The following CFAP47 variants were observed in gnomAD, a reference collection of about 807,000 sequenced individuals.
The protein encoded by CFAP47 is cilia- and flagella-associated protein 47.
CFAP47 carries 29 observed loss-of-function variants against 148.1 expected under a neutral mutation model. The observed-to-expected ratio is 0.20, with a 90% CI of 0.15 to 0.27. The LOEUF (loss-of-function observed/expected upper bound fraction) is 0.27. CFAP47 is among the 10% of genes least tolerant of loss of function. The probability of loss-of-function intolerance (pLI) is 1.00; values close to 1 mark genes in which losing one functional copy is unlikely to be tolerated. For missense variants in CFAP47, 1,872 were observed against 1,697.5 expected, an observed-to-expected ratio of 1.10 and a Z score of -1.81; for synonymous variants, 664 against 577.3, an observed-to-expected ratio of 1.15 and a Z score of -2.15.
chrX:36,098,396 T>A (rs5972014), intron 30 of CFAP47, among the ~76,000 whole-genome samples: 6,171 of 111,478 alleles, frequency 0.055, 472 homozygotes, highest in African/African-American at 0.19. Context: ...ATTGAAGAGT[T>A]ACAATTAGCT....
chrX:36,310,099 C>A (rs1941381147), intron 55 of CFAP47, among the ~76,000 whole-genome samples: 1 of 101,851 alleles, frequency 9.8e-6, no homozygotes, highest in South Asian at 4.8e-4. Context: ...TGTTTGTGAT[C>A]CCTTTATTCA....
rs1408453162 is a variant in CFAP47, at chrX:35,932,651, G to T, written c.401+6483G>T. The stretch of plus-strand genomic sequence containing the variant: ...ATATTTAATTTTTTTTTTTTGAGAC[G>T]CAGTCTCACTCTGTCGTCAGGCTGG... On this transcript the variant is annotated intron_variant, in intron 2 of 63. Transcript: ENST00000378653. Among the ~76,000 whole-genome samples, 5 of 105,108 alleles carry T rather than the reference G, an allele frequency of 4.8e-5. No individual in the cohort carries two copies. The Admixed American group carries it at 5.1e-4, about 11-fold the overall frequency. 91.3% of individuals were successfully genotyped at this position (105,108 alleles called of 115,157 possible).
chrX:36,157,727 G>A (rs1325554596), intron 37 of CFAP47, among the ~76,000 whole-genome samples: 2 of 110,508 alleles, frequency 1.8e-5, no homozygotes, highest in Admixed American at 1.9e-4. Context: ...CTAAAAGAGT[G>A]CCTGGAACAC....
intron 45 of CFAP47, among the ~76,000 whole-genome samples, chrX:36,221,250 AGCAACTTTATAAGGAAGGGTTT>A (rs1378317183): frequency 1.8e-5 from 2 of 111,955 alleles, no homozygotes; most frequent in Non-Finnish European, 3.8e-5. Context: ...ATTACTAGAT[AGCAACTTTATAAGGAAGGGTTT>A]GCCATTATAG....
intron 46 of CFAP47, among the ~76,000 whole-genome samples, chrX:36,230,454 G>A (rs1258805986): frequency 9.3e-6 from 1 of 107,112 alleles, no homozygotes; most frequent in African/African-American, 3.6e-5. Flanking sequence ...TTTTGATGGG[G>A]TTGTTTGTTT....
At chrX:36,056,591 T>C (rs1201756721) in intron 26 of CFAP47, among the ~76,000 whole-genome samples, 32 of 112,256 alleles carry the variant, frequency 2.9e-4, no homozygotes, top group Non-Finnish European at 2.4e-4. Flanking sequence ...TCACAACTGT[T>C]AGATTTTTTT....
chrX:35,940,915 T>C (rs751561578), intron 2 of CFAP47, among the ~76,000 whole-genome samples: 1 of 111,694 alleles, frequency 9.0e-6, no homozygotes, highest in South Asian at 3.7e-4. Context: ...TAAATTGTAC[T>C]TACATTTTGT....
rs1162960732 is a variant in CFAP47 at position 36,350,054 on chromosome X, A to C, written c.8620A>C (p.Ser2874Arg). 1 of 1,153,650 alleles carries C rather than the reference A, an allele frequency of 8.7e-7. No homozygotes were observed. Among genetic ancestry groups the C allele is most frequent in the Non-Finnish European group, 1.2e-6 (1 of 861,437 alleles). Residue 2874 changes from serine to arginine, a missense_variant, in exon 59 of 64, where the codon AGC becomes CGC. Physicochemically the swap from Ser to Arg is moderately radical, Grantham distance 110 (BLOSUM62 -1). Transcript: ENST00000378653. ...TCTAATTAGTATTGTGGGAATCGACAGCGAAGAAATCCAAGCAATACACTG... is the reference window on the plus strand; with the variant it reads ...TCTAATTAGTATTGTGGGAATCGACCGCGAAGAAATCCAAGCAATACACTG... ...IKFKSIVGID[S>R]EEIQAIHWIY...
intron 49 of CFAP47, among the ~76,000 whole-genome samples, chrX:36,274,124 C>T (rs1556002254): frequency 1.8e-5 from 2 of 111,500 alleles, no homozygotes; most frequent in African/African-American, 6.5e-5. Context: ...TCATATAGGG[C>T]TTTTAAATTA....
intron 57 of CFAP47, among the ~76,000 whole-genome samples, chrX:36,330,966 A>AAT (rs1232114018): frequency 1.8e-5 from 2 of 111,442 alleles, no homozygotes; most frequent in African/African-American, 6.5e-5. Context: ...TTACAATATC[A>AAT]ATATATATAA....
chrX:35,920,630 T>A lies in CFAP47; in HGVS notation c.249+582T>A, dbSNP rs1370630676. 2.7e-5 allele frequency among the ~76,000 whole-genome samples: 3 copies of A among 111,580 alleles called. No individual in the cohort carries two copies. The Admixed American group carries it at 2.9e-4, about 11-fold the overall frequency. ...AAAGTTAATGTTCTGAGAGGGTGTT[T>A]CTATCTTCTAATTTAAAGTGGGCAG... On this transcript the variant is annotated intron_variant, in intron 1 of 63. Coordinates refer to ENST00000378653, the MANE Select transcript of CFAP47 (RefSeq NM_001304548.2).
intron 21 of CFAP47, among the ~76,000 whole-genome samples, chrX:36,008,319 T>G (rs1001690061): frequency 9.0e-6 from 1 of 111,576 alleles, no homozygotes; most frequent in African/African-American, 3.3e-5. Flanking sequence ...GCTTCCTTTT[T>G]CTTCATGATT....
intron 51 of CFAP47, among the ~76,000 whole-genome samples, chrX:36,289,093 C>T (rs913396550): frequency 1.3e-4 from 14 of 104,908 alleles, no homozygotes; most frequent in Non-Finnish European, 2.5e-4. Flanking sequence ...ATCCGCCTCC[C>T]GGGTTCAAGC....
At chrX:36,372,769 A>G (rs1393780614) in intron 62 of CFAP47, among the ~76,000 whole-genome samples, 1 of 112,148 alleles carries the variant, frequency 8.9e-6, no homozygotes, top group African/African-American at 3.2e-5. Context: ...GTCAAATTTT[A>G]TTTATTTCAG....
At chrX:35,923,828 A>AGT (rs1181684811) in intron 1 of CFAP47, among the ~76,000 whole-genome samples, 7 of 91,461 alleles carry the variant, frequency 7.7e-5, no homozygotes, top group African/African-American at 3.3e-4. Context: ...GAAAAAAAAA[A>AGT]GTGTATATAT....
Position 35,924,243 on chromosome X carries a change from G to GTGTACATGTA in CFAP47, c.250-1771_250-1770insACATGTATGT, listed in dbSNP as rs1350015844. ...TGTATGTGTATATATGGACATGTAT[G>GTGTACATGTA]TGTGCATATGGACATGTATGTGTAC... On this transcript the variant is annotated intron_variant, in intron 1 of 63. Transcript: ENST00000378653. 8.8e-5 allele frequency among the ~76,000 whole-genome samples: 8 copies of GTGTACATGTA among 90,670 alleles called. No homozygotes were observed. The Admixed American group carries it at 9.4e-4, about 11-fold the overall frequency. The allele number at this position is 90,670 out of a possible 115,157, so 78.7% of individuals were successfully genotyped here.
rs72628196 is a variant in CFAP47, at chrX:36,149,465, C to T, written c.5786+242C>T. Among the ~76,000 whole-genome samples, 144 of 109,844 alleles carry T rather than the reference C, an allele frequency of 1.3e-3. 3 individuals carry two copies. In the East Asian group the frequency reaches 0.036, roughly 27 times the overall value. On this transcript the variant is annotated intron_variant, in intron 37 of 63. Transcript: ENST00000378653. ...AATTTTAATTTGTTTTTTATGCATA[C>T]GGGTCATAGAAACAAGACTATAAGT...
At chrX:36,338,158 A>AT (rs1177815066) in intron 57 of CFAP47, among the ~76,000 whole-genome samples, 3 of 102,866 alleles carry the variant, frequency 2.9e-5, no homozygotes, top group Non-Finnish European at 3.9e-5. Context: ...AAGTGCTGGG[A>AT]TTACAGGCGT....
At chrX:36,176,239 A>G (rs889577132) in intron 39 of CFAP47, among the ~76,000 whole-genome samples, 14 of 111,398 alleles carry the variant, frequency 1.3e-4, no homozygotes, top group Admixed American at 3.8e-4. Flanking sequence ...CCTCAGATGG[A>G]AATGCAGAAA....
Sources: allele counts gnomAD v4.1 joint callset (sites outside exome capture counted in the v4.1 genomes callset), GRCh38; gene constraint gnomAD v4.1.1; transcripts MANE v1.5; gene names NCBI Gene and HGNC (gene_info 2026-07-23, HGNC 2026-07-21).